The following DCLK2 variants were observed in gnomAD, a reference collection of about 807,000 sequenced individuals.
DCLK2 encodes the protein doublecortin like kinase 2, also known as serine/threonine-protein kinase DCLK2.
In DCLK2, 31 loss-of-function variants were observed where a neutral mutation model predicts 78.4. The ratio of observed to expected loss-of-function variants is 0.40; its 90% CI spans 0.30 to 0.53. The LOEUF (loss-of-function observed/expected upper bound fraction) is 0.53. DCLK2 is among the 20% of genes least tolerant of loss of function. The pLI, the probability that DCLK2 is intolerant of heterozygous loss-of-function variation, is 0.61. For synonymous variants in DCLK2, 407 were observed against 374.9 expected, an observed-to-expected ratio of 1.09 and a Z score of -0.99; for missense variants, 872 against 973.7, an observed-to-expected ratio of 0.90 and a Z score of 1.39.
chr4:150,211,192 G>A (rs1740287335), intron 5 of DCLK2, among the ~76,000 whole-genome samples: 1 of 152,132 alleles, frequency 6.6e-6, no homozygotes, highest in Non-Finnish European at 1.5e-5. Flanking sequence ...TCATTCACTT[G>A]CTGGCAAGCT....
At chr4:150,174,305 T>C (rs1201159719) in intron 2 of DCLK2, among the ~76,000 whole-genome samples, 2 of 152,202 alleles carry the variant, frequency 1.3e-5, no homozygotes, top group African/African-American at 4.8e-5. Context: ...CAGACCTCTC[T>C]TATGAAGCTG....
intron 2 of DCLK2, 143 bp from the exon 3 acceptor site, chr4:150,192,995 G>C: frequency 3.7e-6 from 2 of 536,804 alleles, no homozygotes; most frequent in Non-Finnish European, 6.7e-6. Flanking sequence ...TGAAGGTAAA[G>C]TGCTTAGAAA....
intron 2 of DCLK2, among the ~76,000 whole-genome samples, chr4:150,188,623 C>T (rs1054973546): frequency 6.6e-6 from 1 of 151,956 alleles, no homozygotes; most frequent in African/African-American, 2.4e-5. Context: ...ATCCAAGGGC[C>T]GGGCATGGTG....
intron 8 of DCLK2, among the ~76,000 whole-genome samples, chr4:150,228,106 T>A (rs1741751985): frequency 6.6e-6 from 1 of 152,144 alleles, no homozygotes; most frequent in African/African-American, 2.4e-5. Context: ...TCTGTCTGTG[T>A]GAAACTTCCC....
At chr4:150,209,072 G>T (rs989939579) in intron 5 of DCLK2, among the ~76,000 whole-genome samples, 2 of 152,234 alleles carry the variant, frequency 1.3e-5, no homozygotes, top group South Asian at 2.1e-4. Flanking sequence ...CAGTGGGAAA[G>T]CAAGATCAGT....
At chr4:150,125,104 T>G (rs1732829901) in intron 2 of DCLK2, among the ~76,000 whole-genome samples, 1 of 152,226 alleles carries the variant, frequency 6.6e-6, no homozygotes, top group South Asian at 2.1e-4. Context: ...CATGTTGTCA[T>G]GTCGTTCTCA....
chr4:150,230,210 A>T (rs1741933850), intron 8 of DCLK2, among the ~76,000 whole-genome samples: 1 of 152,218 alleles, frequency 6.6e-6, no homozygotes, highest in African/African-American at 2.4e-5. Context: ...GAAAGGTAAC[A>T]CTGCTGATGG....
intron 3 of DCLK2, among the ~76,000 whole-genome samples, chr4:150,194,926 T>C (rs2126387942): frequency 6.6e-6 from 1 of 151,484 alleles, no homozygotes; most frequent in African/African-American, 2.4e-5. Context: ...TTCATGAGCT[T>C]GGGGGTCATT....
intron 2 of DCLK2, among the ~76,000 whole-genome samples, chr4:150,186,046 C>T (rs776077804): frequency 2.0e-5 from 3 of 152,290 alleles, no homozygotes; most frequent in African/African-American, 4.8e-5. Flanking sequence ...ACTTTCCCCT[C>T]GTTTGTATAG....
intron 12 of DCLK2, among the ~76,000 whole-genome samples, chr4:150,243,015 G>A (rs528812524): frequency 3.3e-5 from 5 of 152,316 alleles, no homozygotes; most frequent in East Asian, 1.9e-4. Context: ...GATCAGCTGG[G>A]AAAGGGTCTT....
At chr4:150,216,478 A>C (rs1375327623) in intron 5 of DCLK2, among the ~76,000 whole-genome samples, 1 of 152,176 alleles carries the variant, frequency 6.6e-6, no homozygotes, top group Non-Finnish European at 1.5e-5. Flanking sequence ...TCTCTACCAA[A>C]AATTTAAAAA....
intron 2 of DCLK2, among the ~76,000 whole-genome samples, chr4:150,104,923 T>C (rs1315574680): frequency 1.3e-5 from 2 of 152,176 alleles, no homozygotes; most frequent in Non-Finnish European, 2.9e-5. Context: ...CTGATTTTTA[T>C]TTATATTTTA....
rs1741770415 is a variant in DCLK2, at chr4:150,228,319, A to G, written c.1299+3761A>G. Among the ~76,000 whole-genome samples the G allele has an allele frequency of 3.9e-5, 6 of 152,336 alleles. 1 individual carries two copies. In the South Asian group the frequency reaches 1.2e-3, roughly 32 times the overall value. On this transcript the variant is annotated intron_variant, in intron 8 of 15. Coordinates refer to ENST00000296550, the MANE Select transcript of DCLK2 (RefSeq NM_001040260.4). ...GTTGCGTATATTTATCACAGAAATC[A>G]CGTGGTGATTTGTACATTTTCTCTC...
intron 12 of DCLK2, among the ~76,000 whole-genome samples, chr4:150,246,168 C>A (rs752408146): frequency 4.6e-5 from 7 of 152,018 alleles, no homozygotes; most frequent in African/African-American, 1.7e-4. Context: ...CCCCAGCCTC[C>A]TGAGTAGCTG....
intron 2 of DCLK2, among the ~76,000 whole-genome samples, chr4:150,168,008 G>A (rs560488864): frequency 6.6e-6 from 1 of 152,256 alleles, no homozygotes; most frequent in Admixed American, 6.5e-5. Context: ...AGAACTGGGG[G>A]AGAAGGAGGG....
chr4:150,197,873 A>T, intron 3 of DCLK2, 129 bp from the exon 4 acceptor site: 1 of 620,420 alleles, frequency 1.6e-6, no homozygotes, highest in Non-Finnish European at 2.7e-6. Context: ...ATTGCTTTGT[A>T]TGTTAAATTG....
At position 150,176,348 on chromosome 4, in the gene DCLK2, C is replaced by A. The variant is rs868858765; in HGVS notation, c.757-16790C>A. Among the ~76,000 whole-genome samples, 14 of 152,256 alleles carry A rather than the reference C, an allele frequency of 9.2e-5. 1 individual carries two copies. The highest frequency in any genetic ancestry group is 1.5e-4 in the Non-Finnish European group (10 of 68,018). Reference sequence around the variant, plus strand: ...GTGCTGAGTGCTCTGGGTGTAAGAGCGAGAAAGATACGGTCTCCAGGTGCT... The same window carrying A: ...GTGCTGAGTGCTCTGGGTGTAAGAGAGAGAAAGATACGGTCTCCAGGTGCT... On this transcript the variant is annotated intron_variant, in intron 2 of 15. Transcript: ENST00000296550.
At position 150,256,002 on chromosome 4, in the gene DCLK2, C is replaced by T; in HGVS notation, c.2074-18C>T. 1 of 1,611,454 alleles carries T rather than the reference C, an allele frequency of 6.2e-7. No homozygotes were observed. The highest frequency in any genetic ancestry group is 8.5e-7 in the Non-Finnish European group (1 of 1,178,946). ...CCTGGGCCCGGGTAATGTGTTGTCT[C>T]TGCTGTTTCCTCCTCAGAACACGGC... On this transcript the variant is annotated intron_variant, in intron 15 of 15. Transcript: ENST00000296550.
chr4:150,219,926 T>G (rs1741049768), intron 5 of DCLK2, among the ~76,000 whole-genome samples: 1 of 152,136 alleles, frequency 6.6e-6, no homozygotes, highest in African/African-American at 2.4e-5. Context: ...AAAGACACAC[T>G]GGGGTTTTTG....
Sources: allele counts gnomAD v4.1 joint callset (sites outside exome capture counted in the v4.1 genomes callset), GRCh38; gene constraint gnomAD v4.1.1; transcripts MANE v1.5; gene names NCBI Gene and HGNC (gene_info 2026-07-23, HGNC 2026-07-21).